Variants in MED23 observed in about 807,000 individuals in gnomAD.
MED23 encodes the protein mediator of RNA polymerase II transcription subunit 23.
A neutral mutation model predicts 163.9 loss-of-function variants in MED23; 105 were observed. That is an observed-to-expected ratio of 0.64 (90% CI 0.55 to 0.75). The LOEUF (loss-of-function observed/expected upper bound fraction) is 0.75. Among genes scored for constraint, MED23 ranks in the 30% least tolerant of loss-of-function variants. The pLI, the probability that MED23 is intolerant of heterozygous loss-of-function variation, is 0.00. For synonymous variants in MED23, 561 were observed against 565.6 expected, an observed-to-expected ratio of 0.99 and a Z score of 0.12; for missense variants, 1,054 against 1,649.0, an observed-to-expected ratio of 0.64 and a Z score of 6.25.
intron 6 of MED23, 24 bp from the exon 7 acceptor site, chr6:131,620,753 T>A: frequency 7.0e-7 from 1 of 1,434,474 alleles, no homozygotes; most frequent in Non-Finnish European, 9.8e-7. Context: ...AAAGGCCACA[T>A]CATTCTTGAC....
rs149777244 is a variant in MED23 at position 131,579,679 on chromosome 6, A to G, written c.4096-5384T>C. 3.2e-3 allele frequency: 506 copies of G among 159,944 alleles called. 2 individuals are homozygous for G. The highest frequency in any genetic ancestry group is 0.011 in the African/African-American group (438 of 41,620). The allele number at this position is 159,944 out of a possible 1,614,324, so 9.9% of individuals were successfully genotyped here. ...GTTTTTCATTATAAAAGTAATGATC[A>G]TAACATTTTTGAAAGCATCAGACAC... is the stretch of plus-strand genomic sequence containing the variant. On this transcript the variant is annotated intron_variant, in intron 30 of 30. Transcript: ENST00000354577.
intron 13 of MED23, 28 bp downstream of exon 13, chr6:131,606,451 A>G: frequency 6.2e-7 from 1 of 1,606,934 alleles, no homozygotes. Flanking sequence ...AAACAAGAAA[A>G]TTAAGTATCA....
intron 12 of MED23, among the ~76,000 whole-genome samples, chr6:131,607,540 C>T (rs1775949058): frequency 6.6e-6 from 1 of 151,688 alleles, no homozygotes; most frequent in African/African-American, 2.4e-5. Context: ...AGTGAAACTC[C>T]TTAACAACAA....
At position 131,590,408 on chromosome 6, in the gene MED23, T is replaced by G; in HGVS notation, c.3721A>C (p.Thr1241Pro). ...TATACATAAAGCAACTGGAATTCGG[T>G]CTTCACTATAGGAAGAAGTACTTCA... ...LTEVLLPIVK[T>P]EFQLLYVYHL... The change falls in exon 27 of 29, where the codon ACC becomes CCC. Residue 1241 changes from threonine (T) to proline (P), a missense_variant. Transcript: ENST00000368068. 1 of 1,608,094 alleles carries G rather than the reference T, an allele frequency of 6.2e-7. No homozygotes were observed. Among genetic ancestry groups the G allele is most frequent in the Non-Finnish European group, 8.5e-7 (1 of 1,174,762 alleles).
At position 131,589,690 on chromosome 6, in the gene MED23, G is replaced by A. The variant is rs1460647887; in HGVS notation, c.3808-94C>T. ...GGCTCCATTACAACACTAGCACCGGGGGATACTGTCTTTGCTGTAGAACTG... is the reference window on the plus strand; with the variant it reads ...GGCTCCATTACAACACTAGCACCGGAGGATACTGTCTTTGCTGTAGAACTG... On this transcript the variant is annotated intron_variant, in intron 27 of 28. Coordinates refer to ENST00000368068, the MANE Select transcript of MED23 (RefSeq NM_004830.4). 15 of 1,157,202 alleles carry A rather than the reference G, an allele frequency of 1.3e-5. No individual in the cohort carries two copies. In the East Asian group the frequency reaches 1.7e-4, roughly 13 times the overall value. 71.7% of individuals were successfully genotyped at this position (1,157,202 alleles called of 1,614,324 possible). A position where few individuals can be genotyped will look rare whatever the true frequency, so the allele number is the denominator to read the frequency against.
In MED23 at chr6:131,608,015, T is replaced by C. The variant is rs1044454169; in HGVS notation, c.1134A>G (p.Gln378=). ...TTTTCTGAATACTTCCAGAAATGAA[T>C]TGCAGGAGAACCCACATAAGATGAT... is the stretch of plus-strand genomic sequence containing the variant. The part of the protein sequence containing the change: ...GRDHLMWVLL[Q]FISGSIQKNA... Residue 378 remains glutamine (Q), a synonymous_variant, in exon 12 of 29, where the codon CAA becomes CAG. Transcript: ENST00000368068. 1.9e-6 allele frequency: 3 copies of C among 1,613,930 alleles called. No homozygotes were observed. The highest frequency in any genetic ancestry group is 2.5e-6 in the Non-Finnish European group (3 of 1,179,914).
chr6:131,598,790 T>C lies in MED23; in HGVS notation c.2221-29A>G, dbSNP rs1418395961. ...AAAAGAGGATTAGAAGTTTATTTCA[T>C]TGGTTATAGTAGAAAGAGCACTGGA... is the stretch of plus-strand genomic sequence containing the variant. On this transcript the variant is annotated intron_variant, in intron 18 of 28. Transcript: ENST00000368068. The surrounding 1 kb of genome is among the most constrained non-coding windows in gnomAD (Gnocchi z 4.7). The C allele has an allele frequency of 6.3e-7, 1 of 1,596,580 alleles. No homozygotes were observed. Among genetic ancestry groups the C allele is most frequent in the East Asian group, 2.2e-5 (1 of 44,792 alleles).
chr6:131,594,355 C>G lies in MED23; in HGVS notation c.2996-20G>C. ...GACGATCTGCCAAGAAAAAAACATA[C>G]CACCACAATGTTTAACTGGTTACTA... is the stretch of plus-strand genomic sequence containing the variant. On this transcript the variant is annotated intron_variant, in intron 22 of 28. Transcript: ENST00000368068. 1.3e-6 allele frequency: 2 copies of G among 1,541,032 alleles called. No individual in the cohort carries two copies. Among genetic ancestry groups the G allele is most frequent in the Non-Finnish European group, 1.8e-6 (2 of 1,113,556 alleles).
chr6:131,600,240 T>C, intron 17 of MED23, 78 bp from the exon 18 acceptor site: 3 of 1,371,050 alleles, frequency 2.2e-6, no homozygotes, highest in Non-Finnish European at 3.1e-6. Flanking sequence ...GCGAAAATAA[T>C]AATTATGTAC....
Position 131,610,156 on chromosome 6 carries a change from C to T in MED23, c.967G>A (p.Asp323Asn), listed in dbSNP as rs867833249. 31 of 1,614,034 alleles carry T rather than the reference C, an allele frequency of 1.9e-5. No individual in the cohort carries two copies. The Middle Eastern group carries it at 3.0e-3, about 155-fold the overall frequency. ...ERSETEEKFD[D>N]GGTSQLLWQH... ...CACAGGAGTTGGCTTGTTCCCCCAT[C>T]GTCAAACTTCTCCTCGGTCTCAGAT... is the stretch of plus-strand genomic sequence containing the variant. The change falls in exon 11 of 29, where the codon GAT becomes AAT. Residue 323 changes from aspartate (D) to asparagine (N), a missense_variant. Asp to Asn is a conservative substitution (Grantham distance 23). Transcript: ENST00000368068.
chr6:131,624,768 T>A, intron 4 of MED23, 97 bp downstream of exon 4: 5 of 1,367,152 alleles, frequency 3.7e-6, no homozygotes, highest in Non-Finnish European at 5.2e-6. Flanking sequence ...CACCTTCTTC[T>A]TCATTCTCTT....
intron 28 of MED23, among the ~76,000 whole-genome samples, chr6:131,588,203 C>T (rs1002434228): frequency 1.3e-5 from 2 of 152,226 alleles, no homozygotes; most frequent in Non-Finnish European, 2.9e-5. Context: ...AAATTTTATA[C>T]ATCCAACAAG....
At chr6:131,601,406 C>T (rs1487961286) in intron 17 of MED23, among the ~76,000 whole-genome samples, 2 of 152,106 alleles carry the variant, frequency 1.3e-5, no homozygotes, top group Non-Finnish European at 2.9e-5. Flanking sequence ...CATGAAGTTA[C>T]AAAACATGCA....
In MED23 at chr6:131,587,528, C is replaced by T. The variant is rs1220216050; in HGVS notation, c.*151G>A. 2.7e-6 allele frequency: 4 copies of T among 1,494,698 alleles called. No individual in the cohort carries two copies. The African/African-American group carries it at 5.6e-5, about 21-fold the overall frequency. 92.6% of individuals were successfully genotyped at this position (1,494,698 alleles called of 1,614,324 possible). A position where few individuals can be genotyped will look rare whatever the true frequency, so the allele number is the denominator to read the frequency against. ...GGAGATGGGAGTTATAAGGTGTCAA[C>T]AGATTCATCATTTGAATCAAAATAA... On this transcript the variant is annotated 3_prime_UTR_variant, in exon 29 of 29. Coordinates refer to ENST00000368068, the MANE Select transcript of MED23 (RefSeq NM_004830.4).
chr6:131,610,687 T>A (rs1776218908), intron 10 of MED23, among the ~76,000 whole-genome samples: 1 of 152,340 alleles, frequency 6.6e-6, no homozygotes, highest in Middle Eastern at 3.4e-3. Flanking sequence ...ATAAAGCAGT[T>A]ATGTGAATCT....
chr6:131,605,068 C>T (rs574557324), intron 14 of MED23, among the ~76,000 whole-genome samples, 172 bp downstream of exon 14: 9 of 152,154 alleles, frequency 5.9e-5, no homozygotes, highest in African/African-American at 2.2e-4. Context: ...TTTGTTTATC[C>T]TAGAATTCCT....
intron 27 of MED23, 32 bp downstream of exon 27, chr6:131,590,290 T>A: frequency 6.3e-7 from 1 of 1,592,662 alleles, no homozygotes; most frequent in Non-Finnish European, 8.6e-7. Context: ...CAGAATTTAA[T>A]CATGTCACAG....
chr6:131,594,467 T>C (rs1175622892), intron 22 of MED23, 132 bp from the exon 23 acceptor site: 4 of 765,684 alleles, frequency 5.2e-6, no homozygotes, highest in South Asian at 1.4e-5. Context: ...TGCTGGGCAA[T>C]TGTATACTAT....
At position 131,590,283 on chromosome 6, in the gene MED23, A is replaced by T. The variant is rs371975429; in HGVS notation, c.3807+39T>A. ...AAAGAAACTTAAATAGATACTTCAG[A>T]ATTTAATCATGTCACAGGAAACCCA... On this transcript the variant is annotated intron_variant, in intron 27 of 28. Coordinates refer to ENST00000368068, the MANE Select transcript of MED23 (RefSeq NM_004830.4). The T allele has an allele frequency of 1.8e-5, 28 of 1,580,024 alleles. No individual in the cohort carries two copies. In the African/African-American group the frequency reaches 3.5e-4, roughly 20 times the overall value.
Sources: gnomAD v4.1 joint callset for allele counts (sites outside exome capture counted in the v4.1 genomes callset) on GRCh38, gnomAD v4.1.1 for gene constraint, Gnocchi (gnomAD v3.1) non-coding constraint, MANE v1.5 for transcripts, NCBI Gene and HGNC (gene_info 2026-07-23, HGNC 2026-07-21) for gene names.